Variants in MACROD2 observed in about 807,000 individuals in gnomAD.
The protein encoded by MACROD2 is mono-ADP ribosylhydrolase 2.
In MACROD2, 36 loss-of-function variants were observed where a neutral mutation model predicts 70.4. The observed-to-expected ratio is 0.51, with a 90% CI of 0.39 to 0.68. The LOEUF (loss-of-function observed/expected upper bound fraction) is 0.68. Among genes scored for constraint, MACROD2 ranks in the 30% least tolerant of loss-of-function variants. MACROD2 has a pLI of 0.00. For synonymous variants in MACROD2, 172 were observed against 178.8 expected (o/e 0.96, Z 0.30); for missense variants, 496 against 538.4 (o/e 0.92, Z 0.78).
intron 3 of MACROD2, among the ~76,000 whole-genome samples, chr20:14,274,032 C>G (rs2082225689): frequency 6.6e-6 from 1 of 152,070 alleles, no homozygotes; most frequent in African/African-American, 2.4e-5. Flanking sequence ...GAGTCCAGGA[C>G]CAGATGGATT....
chr20:15,885,918 G>T (rs1385918417), intron 10 of MACROD2, 107 bp downstream of exon 10: 1 of 1,199,746 alleles, frequency 8.3e-7, no homozygotes, highest in East Asian at 3.2e-5. Flanking sequence ...TAATAAAATA[G>T]AAATATATGC....
At chr20:15,045,674 T>A (rs1023706824) in intron 5 of MACROD2, among the ~76,000 whole-genome samples, 7 of 151,188 alleles carry the variant, frequency 4.6e-5, no homozygotes, top group Non-Finnish European at 7.4e-5. Context: ...ATCAAACAAA[T>A]TGGTTTATTC....
At chr20:14,891,469 C>A (rs2073759007) in intron 5 of MACROD2, among the ~76,000 whole-genome samples, 1 of 152,124 alleles carries the variant, frequency 6.6e-6, no homozygotes, top group Admixed American at 6.5e-5. Context: ...GCTTCCCTAA[C>A]AAGATAATAA....
At chr20:16,040,057 C>T (rs549609344) in intron 15 of MACROD2, among the ~76,000 whole-genome samples, 6 of 151,844 alleles carry the variant, frequency 4.0e-5, no homozygotes, top group African/African-American at 1.2e-4. Flanking sequence ...CACATAAATG[C>T]CCCTACACTT....
intron 5 of MACROD2, among the ~76,000 whole-genome samples, chr20:15,149,775 C>T (rs1437049713): frequency 2.6e-5 from 4 of 151,948 alleles, no homozygotes; most frequent in African/African-American, 4.8e-5. Flanking sequence ...GACGCAATCC[C>T]GGTCCTTGTG....
intron 8 of MACROD2, among the ~76,000 whole-genome samples, chr20:15,725,419 G>T (rs1235945979): frequency 6.6e-6 from 1 of 152,170 alleles, no homozygotes; most frequent in Admixed American, 6.5e-5. Context: ...CAATTGACTT[G>T]CATGTTAACC....
intron 4 of MACROD2, among the ~76,000 whole-genome samples, chr20:14,581,244 T>G (rs1980997807): frequency 6.6e-6 from 1 of 152,242 alleles, no homozygotes; most frequent in African/African-American, 2.4e-5. Flanking sequence ...GTCTCAACCT[T>G]AGCTGCATAT....
At chr20:14,246,580 C>G (rs1350511061) in intron 3 of MACROD2, among the ~76,000 whole-genome samples, 2 of 152,098 alleles carry the variant, frequency 1.3e-5, no homozygotes, top group Non-Finnish European at 2.9e-5. Flanking sequence ...GCTTCTGATT[C>G]CTTTTCTAGG....
intron 3 of MACROD2, chr20:14,127,538 AT>A (rs2054667118): frequency 2.0e-6 from 1 of 498,002 alleles, no homozygotes; most frequent in Admixed American, 3.1e-5. Context: ...GGAGAAAGCC[AT>A]TTTTGCAGGC....
chr20:15,062,650 A>G (rs569495081), intron 5 of MACROD2, among the ~76,000 whole-genome samples: 8 of 152,348 alleles, frequency 5.3e-5, no homozygotes, highest in African/African-American at 1.7e-4. Context: ...TAACTAATTA[A>G]TCTATTGATC....
chr20:15,089,570 A>G (rs1225264002), intron 5 of MACROD2, among the ~76,000 whole-genome samples: 1 of 152,072 alleles, frequency 6.6e-6, no homozygotes, highest in Admixed American at 6.6e-5. Flanking sequence ...GTATAGCATA[A>G]TGTATTTTAT....
chr20:15,410,949 G>A (rs1276158424), intron 6 of MACROD2, among the ~76,000 whole-genome samples: 1 of 152,104 alleles, frequency 6.6e-6, no homozygotes, highest in Admixed American at 6.6e-5. Flanking sequence ...AAGAGCAATG[G>A]TGCCGTACAA....
intron 6 of MACROD2, among the ~76,000 whole-genome samples, chr20:15,301,463 G>A (rs2077641598): frequency 6.6e-6 from 1 of 152,114 alleles, no homozygotes; most frequent in Admixed American, 6.6e-5. Flanking sequence ...TAGCTTCCTA[G>A]TGTCTTCTTT....
intron 7 of MACROD2, among the ~76,000 whole-genome samples, chr20:15,494,083 GTT>G (rs1195287823): frequency 6.6e-6 from 1 of 152,198 alleles, no homozygotes; most frequent in Non-Finnish European, 1.5e-5. Flanking sequence ...TTGGCTTCTA[GTT>G]ATAAAAAGTA....
At chr20:15,203,000 T>C (rs1568633628) in intron 5 of MACROD2, among the ~76,000 whole-genome samples, 2 of 152,144 alleles carry the variant, frequency 1.3e-5, no homozygotes, top group Non-Finnish European at 2.9e-5. Context: ...TCTGTTACTT[T>C]GAAGAAAGAA....
chr20:15,345,254 A>T (rs2078152971), intron 6 of MACROD2, among the ~76,000 whole-genome samples: 3 of 152,200 alleles, frequency 2.0e-5, no homozygotes, highest in Admixed American at 6.5e-5. Context: ...CCTTATAATT[A>T]ACTGAACCAT....
chr20:15,397,521 A>T (rs2045875615), intron 6 of MACROD2, among the ~76,000 whole-genome samples: 1 of 151,990 alleles, frequency 6.6e-6, no homozygotes, highest in South Asian at 2.1e-4. Context: ...GCTGGTCTTG[A>T]TCTCCTGGAC....
chr20:15,768,154 G>A (rs555812112), intron 8 of MACROD2, among the ~76,000 whole-genome samples: 3 of 152,078 alleles, frequency 2.0e-5, no homozygotes, highest in Non-Finnish European at 2.9e-5. Context: ...GTGTGTGTGT[G>A]TGTGTAGTCG....
At chr20:15,231,415 T>G (rs950444276) in intron 6 of MACROD2, among the ~76,000 whole-genome samples, 14 of 151,954 alleles carry the variant, frequency 9.2e-5, no homozygotes, top group African/African-American at 3.1e-4. Flanking sequence ...TAATTAAAAT[T>G]TTGTCAATAT....
Sources: gnomAD v4.1 joint callset for allele counts (sites outside exome capture counted in the v4.1 genomes callset) on GRCh38, gnomAD v4.1.1 for gene constraint, MANE v1.5 for transcripts, NCBI Gene and HGNC (gene_info 2026-07-23, HGNC 2026-07-21) for gene names.